RABGAP1L: variants seen among roughly 807,000 people sequenced by gnomAD.
RABGAP1L encodes RAB GTPase activating protein 1 like.
RABGAP1L carries 63 observed loss-of-function variants against 137.7 expected under a neutral mutation model. That is an observed-to-expected ratio of 0.46 (90% CI 0.37 to 0.56). RABGAP1L has a LOEUF of 0.56. RABGAP1L is among the 20% of genes least tolerant of loss of function. The probability of loss-of-function intolerance (pLI) is 0.00; values close to 1 mark genes in which losing one functional copy is unlikely to be tolerated. For synonymous variants in RABGAP1L, 431 were observed against 433.7 expected (o/e 0.99, Z 0.08); for missense variants, 1,095 against 1,244.0 (o/e 0.88, Z 1.80).
intron 1 of RABGAP1L, among the ~76,000 whole-genome samples, chr1:174,215,351 GGAGGCT>G (rs1301569691): frequency 6.6e-6 from 1 of 151,964 alleles, no homozygotes; most frequent in Admixed American, 6.6e-5. Context: ...CAGCTACTTG[GGAGGCT>G]GAGGCAGGAG....
chr1:174,364,294 G>A (rs1468224900), intron 11 of RABGAP1L, among the ~76,000 whole-genome samples: 5 of 104,332 alleles, frequency 4.8e-5, no homozygotes, highest in Non-Finnish European at 8.7e-5. Context: ...TCGCTCTGTC[G>A]CCCAGGCTGG....
chr1:174,391,646 A>T (rs1435580532), intron 12 of RABGAP1L, among the ~76,000 whole-genome samples: 2 of 152,130 alleles, frequency 1.3e-5, no homozygotes, highest in East Asian at 1.9e-4. Context: ...CCAGCCAAGA[A>T]AGGATTCTTT....
intron 7 of RABGAP1L, among the ~76,000 whole-genome samples, chr1:174,261,501 A>G (rs1673577499): frequency 6.6e-6 from 1 of 152,166 alleles, no homozygotes; most frequent in Non-Finnish European, 1.5e-5. Flanking sequence ...TGGGTGATTG[A>G]TAGTACCTTT....
At chr1:174,420,679 T>TTTG (rs1396931372) in intron 13 of RABGAP1L, among the ~76,000 whole-genome samples, 1 of 148,360 alleles carries the variant, frequency 6.7e-6, no homozygotes, top group African/African-American at 2.5e-5. Flanking sequence ...GGTGTTTTGT[T>TTTG]TTTTTTTTTT....
At chr1:174,195,267 C>G (rs1667484909) in intron 1 of RABGAP1L, among the ~76,000 whole-genome samples, 1 of 152,160 alleles carries the variant, frequency 6.6e-6, no homozygotes, top group Non-Finnish European at 1.5e-5. Flanking sequence ...CCTCTTGGCC[C>G]TTCCGAATAT....
chr1:174,320,003 A>C (rs1349625081), intron 11 of RABGAP1L, among the ~76,000 whole-genome samples: 1 of 152,022 alleles, frequency 6.6e-6, no homozygotes, highest in Non-Finnish European at 1.5e-5. Context: ...CAGCTTGCTC[A>C]CTCTTCAAAA....
chr1:174,303,249 A>G (rs1677890985), intron 10 of RABGAP1L, among the ~76,000 whole-genome samples: 1 of 151,994 alleles, frequency 6.6e-6, no homozygotes, highest in Non-Finnish European at 1.5e-5. Context: ...TTCTCAATTC[A>G]GCTTTGCATC....
intron 13 of RABGAP1L, among the ~76,000 whole-genome samples, chr1:174,534,774 C>T (rs1335172803): frequency 3.1e-5 from 1 of 32,220 alleles, no homozygotes; most frequent in African/African-American, 1.7e-4. Flanking sequence ...AACTCTGTCT[C>T]CAAAAAAAAA....
intron 14 of RABGAP1L, among the ~76,000 whole-genome samples, chr1:174,669,861 A>T (rs1677052053): frequency 6.6e-6 from 1 of 152,102 alleles, no homozygotes; most frequent in Admixed American, 6.6e-5. Flanking sequence ...TGCCAATCCC[A>T]TGCTGTTTGG....
At chr1:174,867,342 A>G (rs922148421) in intron 19 of RABGAP1L, among the ~76,000 whole-genome samples, 8 of 150,526 alleles carry the variant, frequency 5.3e-5, no homozygotes, top group Non-Finnish European at 7.4e-5. Context: ...GATCGCGCCA[A>G]AAAAAAAAGA....
chr1:174,231,262 AGGCTTTACG>A lies in RABGAP1L; in HGVS notation c.453_461del (p.Leu152_Ala154del). 6.2e-7 allele frequency: 1 copy of A among 1,614,116 alleles called. No individual in the cohort carries two copies. The highest frequency in any genetic ancestry group is 8.5e-7 in the Non-Finnish European group (1 of 1,179,978). ...GTTTCTTCCCCACGTAATGAAGTAGAGGCTTTACGGGCAATGGCAACCATGAAATCTTCC... is the reference window on the plus strand; with the variant it reads ...GTTTCTTCCCCACGTAATGAAGTAGAGGCAATGGCAACCATGAAATCTTCC... On this transcript the variant is annotated inframe_deletion, in exon 4 of 26. Transcript: ENST00000681986.
intron 13 of RABGAP1L, chr1:174,548,117 A>C (rs1666170379): frequency 1.3e-6 from 2 of 1,528,032 alleles, no homozygotes; most frequent in East Asian, 4.9e-5. Context: ...GTTGCAGTTT[A>C]GAAGCAACTT....
intron 11 of RABGAP1L, 50 bp from the exon 12 acceptor site, chr1:174,370,929 T>C: frequency 1.0e-6 from 1 of 955,058 alleles, no homozygotes; most frequent in African/African-American, 1.6e-5. Flanking sequence ...ATAAAGTATC[T>C]ACTGTAATAT....
At chr1:174,273,522 T>G (rs945776690) in intron 8 of RABGAP1L, among the ~76,000 whole-genome samples, 3 of 151,960 alleles carry the variant, frequency 2.0e-5, no homozygotes, top group African/African-American at 7.2e-5. Flanking sequence ...AAACATAAAT[T>G]AGCTATTGAT....
rs1165876748 is a variant in RABGAP1L at position 174,763,650 on chromosome 1, CAAAAAAAAAAAAAAAAAAAAAA to C, written c.2211+11313_2211+11334del. Among the ~76,000 whole-genome samples, 42 of 13,120 alleles carry C rather than the reference CAAAAAAAAAAAAAAAAAAAAAA, an allele frequency of 3.2e-3. No individual in the cohort carries two copies. In the South Asian group the frequency reaches 0.043, roughly 13 times the overall value. The allele number at this position is 13,120 out of a possible 152,430, so 8.6% of individuals were successfully genotyped here. ...TGGGCGACAGAGCGAGACTCCGTCT[CAAAAAAAAAAAAAAAAAAAAAA>C]AAAAAAAAAAAAAAAATTAGCCAGG... On this transcript the variant is annotated intron_variant, in intron 18 of 25. Coordinates refer to ENST00000681986, the MANE Select transcript of RABGAP1L (RefSeq NM_001366446.1).
At chr1:174,662,305 T>C (rs1178394291) in intron 14 of RABGAP1L, among the ~76,000 whole-genome samples, 1 of 152,162 alleles carries the variant, frequency 6.6e-6, no homozygotes, top group Non-Finnish European at 1.5e-5. Flanking sequence ...GGTTTCACCA[T>C]GTTAGTCAGG....
chr1:174,572,412 T>A (rs1668050362), intron 13 of RABGAP1L, among the ~76,000 whole-genome samples: 1 of 152,026 alleles, frequency 6.6e-6, no homozygotes. Context: ...TTTGACGGAG[T>A]CTTGCTCAGT....
chr1:174,449,467 A>G (rs1297005887), intron 13 of RABGAP1L, among the ~76,000 whole-genome samples: 1 of 152,212 alleles, frequency 6.6e-6, no homozygotes, highest in African/African-American at 2.4e-5. Flanking sequence ...GAAAAAGAAT[A>G]TCTCAAATCT....
intron 7 of RABGAP1L, among the ~76,000 whole-genome samples, chr1:174,266,438 A>G (rs1197263285): frequency 2.0e-5 from 3 of 152,198 alleles, no homozygotes; most frequent in Non-Finnish European, 4.4e-5. Flanking sequence ...AGAGTTCTTT[A>G]GAACCTATGT....
Sources: gnomAD v4.1 joint callset for allele counts (sites outside exome capture counted in the v4.1 genomes callset) on GRCh38, gnomAD v4.1.1 for gene constraint, MANE v1.5 for transcripts, NCBI Gene and HGNC (gene_info 2026-07-23, HGNC 2026-07-21) for gene names.